Variants in GRM5 observed in about 807,000 individuals in gnomAD.
GRM5 encodes glutamate metabotropic receptor 5, also known as metabotropic glutamate receptor 5.
In GRM5, 19 loss-of-function variants were observed where a neutral mutation model predicts 83.1. The observed-to-expected ratio is 0.23, with a 90% CI of 0.16 to 0.34. The LOEUF (loss-of-function observed/expected upper bound fraction) is 0.34. GRM5 is among the 10% of genes least tolerant of loss of function. The pLI is 1.00. For missense variants in GRM5, 1,160 were observed against 1,588.3 expected, an observed-to-expected ratio of 0.73 and a Z score of 4.58; for synonymous variants, 675 against 633.6, an observed-to-expected ratio of 1.07 and a Z score of -0.98.
intron 2 of GRM5, among the ~76,000 whole-genome samples, chr11:89,026,045 C>T (rs1941123948): frequency 6.6e-6 from 1 of 152,154 alleles, no homozygotes; most frequent in Non-Finnish European, 1.5e-5. Context: ...CACACATTTT[C>T]TAAGCAAATT....
intron 3 of GRM5, among the ~76,000 whole-genome samples, chr11:88,838,319 C>T (rs1944131751): frequency 6.6e-6 from 1 of 152,092 alleles, no homozygotes; most frequent in African/African-American, 2.4e-5. Context: ...ACTATCCCTT[C>T]TGGGGATAGT....
At position 88,932,015 on chromosome 11, in the gene GRM5, T is replaced by G. The variant is rs191052026; in HGVS notation, c.662-81860A>C. Among the ~76,000 whole-genome samples the G allele has an allele frequency of 1.1e-4, 16 of 152,166 alleles. No homozygotes were observed. The East Asian group carries it at 2.9e-3, about 28-fold the overall frequency. ...AAATAAACCTGACTGTTTTTAAGATTGACCCGTCTCATCAAAGACTAAAAC... is the reference window on the plus strand; with the variant it reads ...AAATAAACCTGACTGTTTTTAAGATGGACCCGTCTCATCAAAGACTAAAAC... On this transcript the variant is annotated intron_variant, in intron 2 of 9. Transcript: ENST00000305447.
At position 89,016,259 on chromosome 11, in the gene GRM5, CACATA is replaced by C. The variant is rs1247855815; in HGVS notation, c.661+30948_661+30952del. On this transcript the variant is annotated intron_variant, in intron 2 of 9. Coordinates refer to ENST00000305447, the MANE Select transcript of GRM5 (RefSeq NM_001143831.3). ...AAAACATATTTGTGCTTATCTATAA[CACATA>C]ACATATATAATATATATTCATCTTT... 2.0e-5 allele frequency among the ~76,000 whole-genome samples: 3 copies of C among 149,318 alleles called. No homozygotes were observed. The East Asian group carries it at 5.8e-4, about 29-fold the overall frequency.
intron 7 of GRM5, among the ~76,000 whole-genome samples, chr11:88,587,587 C>T (rs1031698483): frequency 1.3e-5 from 2 of 152,060 alleles, no homozygotes; most frequent in African/African-American, 2.4e-5. Flanking sequence ...AGTGTGGCAC[C>T]TTGGCATTTG....
At chr11:88,921,950 G>GA (rs1406322599) in intron 2 of GRM5, among the ~76,000 whole-genome samples, 1 of 149,974 alleles carries the variant, frequency 6.7e-6, no homozygotes, top group African/African-American at 2.4e-5. Context: ...TGCCAACAGT[G>GA]AAAAATATGA....
intron 4 of GRM5, among the ~76,000 whole-genome samples, chr11:88,650,354 G>A (rs1939598214): frequency 6.6e-6 from 1 of 151,764 alleles, no homozygotes; most frequent in Admixed American, 6.6e-5. Context: ...TTTTCCAATA[G>A]ATATTAAAAA....
intron 2 of GRM5, among the ~76,000 whole-genome samples, chr11:89,038,863 G>A (rs1390806235): frequency 6.6e-6 from 1 of 152,086 alleles, no homozygotes; most frequent in Non-Finnish European, 1.5e-5. Context: ...TCCTTGCTCT[G>A]CCACTAACTT....
chr11:88,547,136 T>G (rs1305332496), intron 8 of GRM5, among the ~76,000 whole-genome samples: 3 of 152,160 alleles, frequency 2.0e-5, no homozygotes, highest in Non-Finnish European at 4.4e-5. Context: ...TTAAACATGA[T>G]TGCATTTTCA....
chr11:88,765,796 G>C (rs1942615399), intron 3 of GRM5, among the ~76,000 whole-genome samples: 2 of 151,684 alleles, frequency 1.3e-5, no homozygotes, highest in African/African-American at 2.4e-5. Context: ...TGATTTGTTG[G>C]ATATAACATC....
intron 2 of GRM5, among the ~76,000 whole-genome samples, chr11:89,015,928 A>G (rs1169737007): frequency 6.6e-6 from 1 of 152,124 alleles, no homozygotes; most frequent in Non-Finnish European, 1.5e-5. Context: ...CTCCTGATCT[A>G]GAAGGCATGA....
chr11:88,660,795 C>T (rs868045768), intron 3 of GRM5, among the ~76,000 whole-genome samples: 6 of 152,134 alleles, frequency 3.9e-5, no homozygotes, highest in Admixed American at 1.3e-4. Flanking sequence ...CACTCCTAAG[C>T]CTTTGGGTGT....
At position 88,505,044 on chromosome 11, in the gene GRM5, G is replaced by A. The variant is rs1416362611; in HGVS notation, c.*3548C>T. The A allele has an allele frequency of 6.6e-6, 1 of 152,074 alleles. No individual in the cohort carries two copies. The highest frequency in any genetic ancestry group is 1.5e-5 in the Non-Finnish European group (1 of 67,968). The allele number at this position is 152,074 out of a possible 1,614,324, so 9.4% of individuals were successfully genotyped here. A position where few individuals can be genotyped will look rare whatever the true frequency, so the allele number is the denominator to read the frequency against. On this transcript the variant is annotated 3_prime_UTR_variant, in exon 10 of 10. Coordinates refer to ENST00000305447, the MANE Select transcript of GRM5 (RefSeq NM_001143831.3). ...TACATAGTATATTTGTTCACATTGG[G>A]AAGATCAGTGAAATTCAACCAACTA...
At chr11:88,721,241 G>A (rs1313606855) in intron 3 of GRM5, among the ~76,000 whole-genome samples, 1 of 152,040 alleles carries the variant, frequency 6.6e-6, no homozygotes, top group Non-Finnish European at 1.5e-5. Flanking sequence ...CATGAAAAGA[G>A]CAACTAATTT....
chr11:88,517,332 A>C (rs1182738006), intron 9 of GRM5, among the ~76,000 whole-genome samples: 1 of 152,172 alleles, frequency 6.6e-6, no homozygotes, highest in Non-Finnish European at 1.5e-5. Flanking sequence ...TGGTAAAGCC[A>C]AGATTTTTGA....
chr11:88,771,566 CCTG>C (rs1251354816), intron 3 of GRM5, among the ~76,000 whole-genome samples: 2 of 152,086 alleles, frequency 1.3e-5, no homozygotes, highest in African/African-American at 4.8e-5. Context: ...CCTTCTTCTG[CCTG>C]CTTTGTTCTA....
At chr11:88,514,126 G>A (rs893006845) in intron 9 of GRM5, among the ~76,000 whole-genome samples, 1 of 152,012 alleles carries the variant, frequency 6.6e-6, no homozygotes, top group Non-Finnish European at 1.5e-5. Flanking sequence ...TCTGAGGAGG[G>A]GGCCAAAAGT....
chr11:88,838,084 C>CAAAAAAAAAAAAAAAAAAAAA (rs1157680177), intron 3 of GRM5, among the ~76,000 whole-genome samples: 1 of 55,444 alleles, frequency 1.8e-5, no homozygotes, highest in African/African-American at 6.0e-5. Context: ...GACTCCATCT[C>CAAAAAAAAAAAAAAAAAAAAA]AAAAAAAAAA....
chr11:88,533,942 T>C (rs1289049135), intron 8 of GRM5, among the ~76,000 whole-genome samples: 2 of 152,112 alleles, frequency 1.3e-5, no homozygotes, highest in African/African-American at 2.4e-5. Context: ...TGGGTCAACA[T>C]AGAACTCAGA....
chr11:88,670,600 T>G (rs1940167158), intron 3 of GRM5, among the ~76,000 whole-genome samples: 1 of 151,768 alleles, frequency 6.6e-6, no homozygotes. Flanking sequence ...TTCTATAATT[T>G]AATATAAAAA....
Sources: allele counts gnomAD v4.1 joint callset (sites outside exome capture counted in the v4.1 genomes callset), GRCh38; gene constraint gnomAD v4.1.1; transcripts MANE v1.5; gene names NCBI Gene and HGNC (gene_info 2026-07-23, HGNC 2026-07-21).